The following CCSER2 variants were observed in gnomAD, a reference collection of about 807,000 sequenced individuals.
CCSER2 encodes the protein serine-rich coiled-coil domain-containing protein 2.
A neutral mutation model predicts 92.3 loss-of-function variants in CCSER2; 46 were observed. The ratio of observed to expected loss-of-function variants is 0.50; its 90% CI spans 0.39 to 0.64. CCSER2 has a LOEUF of 0.64. Ranked by LOEUF, CCSER2 falls within the 30% of genes least tolerant of loss-of-function variation. The pLI is 0.00. For synonymous variants in CCSER2, 433 were observed against 431.4 expected (o/e 1.00, Z -0.04); for missense variants, 1,244 against 1,238.9 (o/e 1.00, Z -0.06).
At chr10:84,496,308 C>T (rs534180366) in intron 9 of CCSER2, among the ~76,000 whole-genome samples, 12 of 151,670 alleles carry the variant, frequency 7.9e-5, no homozygotes, top group Admixed American at 3.3e-4. Flanking sequence ...TTTTTTGAGA[C>T]GGAGTCTCGC....
rs1023124180 is a variant in CCSER2, at chr10:84,518,100, A to G, written c.*3833A>G. 1.3e-5 allele frequency: 2 copies of G among 152,172 alleles called. No individual in the cohort carries two copies. The highest frequency in any genetic ancestry group is 4.8e-5 in the African/African-American group (2 of 41,428). The allele number at this position is 152,172 out of a possible 1,614,324, so 9.4% of individuals were successfully genotyped here. A position where few individuals can be genotyped will look rare whatever the true frequency, so the allele number is the denominator to read the frequency against. ...GGATGATGGCCTTGTTCCTTTTTAA[A>G]TTCTGATGCTTGAATTCTATTTTCT... On this transcript the variant is annotated 3_prime_UTR_variant, in exon 10 of 10. Transcript: ENST00000372088.
At chr10:84,461,153 C>T (rs1846079185) in intron 6 of CCSER2, among the ~76,000 whole-genome samples, 1 of 152,078 alleles carries the variant, frequency 6.6e-6, no homozygotes, top group South Asian at 2.1e-4. Context: ...ACAATATTTT[C>T]TTGTTTTTCT....
rs34510394 is a variant in CCSER2, at chr10:84,465,314, A to ATTT, written c.2148+1325_2148+1327dup. The stretch of plus-strand genomic sequence containing the variant: ...GTGAAAAAGTTTTTTACATGTAAAG[A>ATTT]TTTTTTTTTTTTTTTTTTTTTTTTT... On this transcript the variant is annotated intron_variant, in intron 7 of 9. Transcript: ENST00000372088. Among the ~76,000 whole-genome samples, 23 of 49,900 alleles carry ATTT rather than the reference A, an allele frequency of 4.6e-4. 1 individual carries two copies. Among genetic ancestry groups the ATTT allele is most frequent in the East Asian group, 2.2e-3 (4 of 1,792 alleles). 32.7% of individuals were successfully genotyped at this position (49,900 alleles called of 152,430 possible).
rs77372061 is a variant in CCSER2, at chr10:84,344,836, T to C, written c.-40+16028T>C. ...ATACCAAAGCCGCAATTCGAAGGCT[T>C]GGGTAATTTTAGCTGCACGCACTCA... On this transcript the variant is annotated intron_variant, in intron 1 of 9. Transcript: ENST00000372088. Among the ~76,000 whole-genome samples, 448 of 152,264 alleles carry C rather than the reference T, an allele frequency of 2.9e-3. 2 individuals are homozygous for C. Among genetic ancestry groups the C allele is most frequent in the African/African-American group, 0.01 (416 of 41,538 alleles).
chr10:84,436,790 G>A (rs190805524), intron 5 of CCSER2, among the ~76,000 whole-genome samples: 23 of 152,292 alleles, frequency 1.5e-4, no homozygotes, highest in Admixed American at 1.4e-3. Flanking sequence ...TTAAAAGAAA[G>A]TTGGGCCTGA....
chr10:84,488,329 T>G (rs1306135578), intron 9 of CCSER2, among the ~76,000 whole-genome samples: 2 of 152,228 alleles, frequency 1.3e-5, no homozygotes, highest in African/African-American at 2.4e-5. Flanking sequence ...CAGCTCCTCC[T>G]TGTACCTCTG....
chr10:84,383,704 A>G (rs1287523884), intron 3 of CCSER2, among the ~76,000 whole-genome samples: 1 of 152,206 alleles, frequency 6.6e-6, no homozygotes, highest in Non-Finnish European at 1.5e-5. Flanking sequence ...TTATTTAACA[A>G]TATTATACTA....
At chr10:84,347,775 A>T (rs1589409208) in intron 1 of CCSER2, among the ~76,000 whole-genome samples, 2 of 144,782 alleles carry the variant, frequency 1.4e-5, no homozygotes, top group African/African-American at 2.6e-5. Flanking sequence ...TCCTTCTCAG[A>T]CGGGGCGGCT....
intron 9 of CCSER2, among the ~76,000 whole-genome samples, chr10:84,491,805 C>G (rs1848185480): frequency 6.6e-6 from 1 of 152,130 alleles, no homozygotes; most frequent in African/African-American, 2.4e-5. Context: ...GTTGGAAATG[C>G]AGAAATCACC....
intron 8 of CCSER2, among the ~76,000 whole-genome samples, chr10:84,474,617 C>A (rs563863514): frequency 9.9e-5 from 14 of 141,416 alleles, no homozygotes; most frequent in Non-Finnish European, 1.8e-4. Context: ...GCCAAGATCG[C>A]GTGCCACTGC....
chr10:84,368,244 A>G (rs980602071), intron 1 of CCSER2, among the ~76,000 whole-genome samples: 1 of 152,120 alleles, frequency 6.6e-6, no homozygotes, highest in Admixed American at 6.5e-5. Context: ...CTTTCTCACT[A>G]CTGCTTCCAG....
chr10:84,477,858 T>C (rs1847245758), intron 9 of CCSER2, among the ~76,000 whole-genome samples, 194 bp downstream of exon 9: 1 of 152,204 alleles, frequency 6.6e-6, no homozygotes, highest in African/African-American at 2.4e-5. Flanking sequence ...CTTATGTAAG[T>C]GAATGTGCAT....
At chr10:84,504,297 C>CTT (rs78289189) in intron 9 of CCSER2, among the ~76,000 whole-genome samples, 28 of 137,570 alleles carry the variant, frequency 2.0e-4, no homozygotes, top group East Asian at 4.2e-4. Context: ...CAAAGTAAAG[C>CTT]TTTTTTTTTT....
chr10:84,450,475 G>A (rs990611546), intron 6 of CCSER2, among the ~76,000 whole-genome samples: 1 of 152,086 alleles, frequency 6.6e-6, no homozygotes, highest in Admixed American at 6.6e-5. Flanking sequence ...ACTTGGTTGT[G>A]TTATAAAATG....
At chr10:84,502,044 A>G (rs1385765099) in intron 9 of CCSER2, among the ~76,000 whole-genome samples, 4 of 149,146 alleles carry the variant, frequency 2.7e-5, no homozygotes, top group Non-Finnish European at 5.9e-5. Context: ...TTTAGAGGGG[A>G]AATATGCTCT....
chr10:84,460,888 A>G (rs1037804309), intron 6 of CCSER2, among the ~76,000 whole-genome samples: 14 of 152,080 alleles, frequency 9.2e-5, no homozygotes, highest in African/African-American at 3.4e-4. Flanking sequence ...CAGTTTTGCT[A>G]GATGTCTAGC....
chr10:84,491,117 G>T (rs1197008258), intron 9 of CCSER2, among the ~76,000 whole-genome samples: 1 of 152,184 alleles, frequency 6.6e-6, no homozygotes, highest in Non-Finnish European at 1.5e-5. Context: ...TCTCAGATGG[G>T]TACCCAGCCG....
chr10:84,372,839 T>G (rs1031982102), intron 2 of CCSER2, among the ~76,000 whole-genome samples: 3 of 152,132 alleles, frequency 2.0e-5, no homozygotes, highest in African/African-American at 7.2e-5. Context: ...TGCTATTTGT[T>G]AAGAGTAAAG....
At chr10:84,476,034 C>T (rs1405062465) in intron 8 of CCSER2, among the ~76,000 whole-genome samples, 1 of 152,026 alleles carries the variant, frequency 6.6e-6, no homozygotes, top group Non-Finnish European at 1.5e-5. Flanking sequence ...CAGGGTTTTG[C>T]CTTGTTGCCC....
Sources: gnomAD v4.1 joint callset for allele counts (sites outside exome capture counted in the v4.1 genomes callset) on GRCh38, gnomAD v4.1.1 for gene constraint, MANE v1.5 for transcripts, NCBI Gene and HGNC (gene_info 2026-07-23, HGNC 2026-07-21) for gene names.